The following BNC2 variants were observed in gnomAD, a reference collection of about 807,000 sequenced individuals.
BNC2 encodes the protein zinc finger protein basonuclin-2.
Under a neutral mutation model 76.3 loss-of-function variants are expected in BNC2, and 20 were observed. The observed-to-expected ratio is 0.26, with a 90% CI of 0.18 to 0.38. The LOEUF (loss-of-function observed/expected upper bound fraction) is 0.38, where lower values mean the gene tolerates loss of function less well. Ranked by LOEUF, BNC2 falls within the 10% of genes least tolerant of loss-of-function variation. The pLI is 1.00. For synonymous variants in BNC2, 582 were observed against 514.8 expected, an observed-to-expected ratio of 1.13 and a Z score of -1.77; for missense variants, 1,382 against 1,399.8, an observed-to-expected ratio of 0.99 and a Z score of 0.20.
chr9:16,542,106 T>C (rs919790030), intron 5 of BNC2, among the ~76,000 whole-genome samples: 12 of 152,196 alleles, frequency 7.9e-5, no homozygotes, highest in African/African-American at 2.7e-4. Flanking sequence ...ACTATTATTA[T>C]GGCTTTAAGA....
intron 6 of BNC2, among the ~76,000 whole-genome samples, chr9:16,431,961 C>A (rs575897666): frequency 6.6e-6 from 1 of 152,204 alleles, no homozygotes; most frequent in Non-Finnish European, 1.5e-5. Context: ...AGCCTGGTTC[C>A]TAACAGGCCA....
chr9:16,739,156 G>C (rs1043757928), intron 1 of BNC2, among the ~76,000 whole-genome samples: 4 of 152,116 alleles, frequency 2.6e-5, no homozygotes, highest in African/African-American at 9.7e-5. Context: ...TCAATGAAAT[G>C]GATGCAGTGG....
chr9:16,757,615 C>T (rs767872942), intron 1 of BNC2, among the ~76,000 whole-genome samples: 1 of 150,398 alleles, frequency 6.6e-6, no homozygotes, highest in Non-Finnish European at 1.5e-5. Context: ...ACAACATTAA[C>T]AATAGCTAAT....
intron 4 of BNC2, among the ~76,000 whole-genome samples, chr9:16,571,781 A>T (rs1028280024): frequency 1.3e-5 from 2 of 151,836 alleles, no homozygotes; most frequent in Non-Finnish European, 2.9e-5. Context: ...GTCTCCTCTG[A>T]TCCTACGACA....
chr9:16,516,649 G>A (rs1360837158), intron 5 of BNC2, among the ~76,000 whole-genome samples: 1 of 152,018 alleles, frequency 6.6e-6, no homozygotes, highest in African/African-American at 2.4e-5. Context: ...AGTTAAATGT[G>A]TGCTTCTTTT....
chr9:16,508,105 G>C (rs1261020009), intron 5 of BNC2, among the ~76,000 whole-genome samples: 2 of 152,142 alleles, frequency 1.3e-5, no homozygotes, highest in Non-Finnish European at 2.9e-5. Flanking sequence ...GATAAAACAG[G>C]TAACAACAGC....
At chr9:16,480,432 C>G (rs983026957) in intron 5 of BNC2, among the ~76,000 whole-genome samples, 14 of 152,252 alleles carry the variant, frequency 9.2e-5, no homozygotes, top group African/African-American at 2.9e-4. Flanking sequence ...CTTCAGCCCA[C>G]CGCTGCACTG....
intron 3 of BNC2, among the ~76,000 whole-genome samples, chr9:16,719,869 T>A (rs1011418216): frequency 6.6e-6 from 1 of 152,240 alleles, no homozygotes; most frequent in African/African-American, 2.4e-5. Context: ...GAAAGAATCA[T>A]CCCTTCAACC....
At chr9:16,866,787 A>T (rs1000952886) in intron 1 of BNC2, among the ~76,000 whole-genome samples, 1 of 151,848 alleles carries the variant, frequency 6.6e-6, no homozygotes, top group African/African-American at 2.4e-5. Flanking sequence ...CCTTAAGTAT[A>T]TCTAATAAAA....
intron 1 of BNC2, among the ~76,000 whole-genome samples, chr9:16,761,310 C>G (rs1443491376): frequency 6.6e-6 from 1 of 152,076 alleles, no homozygotes; most frequent in Non-Finnish European, 1.5e-5. Flanking sequence ...AAAAATATTT[C>G]TGGTATAGAG....
intron 3 of BNC2, among the ~76,000 whole-genome samples, chr9:16,708,785 C>CTGGA (rs1446919632): frequency 6.6e-6 from 1 of 152,044 alleles, no homozygotes; most frequent in East Asian, 1.9e-4. Context: ...AGAGGAGGAG[C>CTGGA]TGGAGCCCCA....
chr9:16,836,411 A>T lies in BNC2; in HGVS notation c.3+34235T>A, dbSNP rs560829271. 2.0e-5 allele frequency among the ~76,000 whole-genome samples: 3 copies of T among 152,272 alleles called. No individual in the cohort carries two copies. In the East Asian group the frequency reaches 5.8e-4, roughly 29 times the overall value. ...CATATTCTTAGAAACATAAAGGGGT[A>T]TATGAAAATTAAATAGAATCCCAAA... is the stretch of plus-strand genomic sequence containing the variant. On this transcript the variant is annotated intron_variant, in intron 1 of 6. Coordinates refer to ENST00000380672, the MANE Select transcript of BNC2 (RefSeq NM_017637.6).
chr9:16,427,741 C>A (rs1476071034), intron 6 of BNC2, among the ~76,000 whole-genome samples: 2 of 152,140 alleles, frequency 1.3e-5, no homozygotes, highest in African/African-American at 4.8e-5. Flanking sequence ...GTTGCCAATT[C>A]CATCTCTGCT....
At chr9:16,518,726 G>A (rs879279045) in intron 5 of BNC2, among the ~76,000 whole-genome samples, 8 of 151,948 alleles carry the variant, frequency 5.3e-5, no homozygotes, top group Admixed American at 4.6e-4. Flanking sequence ...TCAGCCTCCT[G>A]AGTAGCTGGG....
intron 3 of BNC2, among the ~76,000 whole-genome samples, chr9:16,654,520 G>T (rs145903791): frequency 6.6e-6 from 1 of 152,244 alleles, no homozygotes; most frequent in Non-Finnish European, 1.5e-5. Flanking sequence ...CCAAAAGACA[G>T]CTATTAATTA....
At chr9:16,441,272 C>T (rs1821123410) in intron 5 of BNC2, among the ~76,000 whole-genome samples, 2 of 152,170 alleles carry the variant, frequency 1.3e-5, no homozygotes, top group Admixed American at 1.3e-4. Context: ...CCACTGCACT[C>T]CAGCCTGAGC....
intron 3 of BNC2, among the ~76,000 whole-genome samples, chr9:16,599,843 T>C (rs574399339): frequency 1.3e-5 from 2 of 152,364 alleles, no homozygotes; most frequent in South Asian, 4.1e-4. Flanking sequence ...TTTTCATTGA[T>C]AAATTGATAA....
intron 3 of BNC2, among the ~76,000 whole-genome samples, chr9:16,695,740 C>T (rs752366906): frequency 1.3e-5 from 2 of 151,988 alleles, no homozygotes; most frequent in Non-Finnish European, 2.9e-5. Flanking sequence ...TCATCTGTCA[C>T]GTACCTCTGT....
chr9:16,603,105 T>C (rs1820288442), intron 3 of BNC2, among the ~76,000 whole-genome samples: 1 of 152,180 alleles, frequency 6.6e-6, no homozygotes, highest in African/African-American at 2.4e-5. Context: ...ATGCCTCCAA[T>C]TGTCAAACCA....
Sources: allele counts gnomAD v4.1 joint callset (sites outside exome capture counted in the v4.1 genomes callset), GRCh38; gene constraint gnomAD v4.1.1; transcripts MANE v1.5; gene names NCBI Gene and HGNC (gene_info 2026-07-23, HGNC 2026-07-21).